Variants in TMEM26 observed in about 807,000 individuals in gnomAD.
TMEM26 encodes transmembrane protein 26.
In TMEM26, 38 loss-of-function variants were observed where a neutral mutation model predicts 28.8. The ratio of observed to expected loss-of-function variants is 1.32; its 90% confidence interval spans 1.02 to 1.73. TMEM26 has a LOEUF of 1.73. Ranked by LOEUF, TMEM26 falls within the 40% of genes most tolerant of loss-of-function variation. The probability of loss-of-function intolerance (pLI) is 0.00; values close to 1 mark genes in which losing one functional copy is unlikely to be tolerated. For synonymous variants in TMEM26, 227 were observed against 182.9 expected, an observed-to-expected ratio of 1.24 and a Z score of -1.95; for missense variants, 518 against 447.1, an observed-to-expected ratio of 1.16 and a Z score of -1.43.
chr10:61,421,020 C>G (rs1303983886), intron 4 of TMEM26, among the ~76,000 whole-genome samples: 1 of 151,462 alleles, frequency 6.6e-6, no homozygotes, highest in Non-Finnish European at 1.5e-5. Flanking sequence ...ATAAAAATAA[C>G]AGCAAAAAGG....
intron 1 of TMEM26, among the ~76,000 whole-genome samples, chr10:61,440,514 C>CAAAAA (rs60111640): frequency 1.0e-5 from 1 of 99,048 alleles, no homozygotes; most frequent in Non-Finnish European, 2.0e-5. Context: ...TTCCAGTTCT[C>CAAAAA]AAAAAAAAAA....
Position 61,418,525 on chromosome 10 carries a change from C to CA in TMEM26, c.606-4991dup, listed in dbSNP as rs199711333. 5.1e-3 allele frequency among the ~76,000 whole-genome samples: 771 copies of CA among 151,244 alleles called. 7 individuals are homozygous for CA. The highest frequency in any genetic ancestry group is 0.025 in the East Asian group (131 of 5,172). On this transcript the variant is annotated intron_variant, in intron 4 of 5. Transcript: ENST00000399298. ...AGATAAATTAGGGACCTATAGTCAGCAAAAAAACAAAAAAACCCTGTCTAA... is the reference window on the plus strand; with the variant it reads ...AGATAAATTAGGGACCTATAGTCAGCAAAAAAAACAAAAAAACCCTGTCTAA...
At chr10:61,437,868 T>C (rs1840033943) in intron 1 of TMEM26, among the ~76,000 whole-genome samples, 1 of 152,230 alleles carries the variant, frequency 6.6e-6, no homozygotes. Context: ...GTCAAAATTA[T>C]GTCACTATAA....
intron 4 of TMEM26, among the ~76,000 whole-genome samples, chr10:61,423,129 G>A (rs1316080021): frequency 6.6e-6 from 1 of 152,062 alleles, no homozygotes; most frequent in Non-Finnish European, 1.5e-5. Flanking sequence ...AAAGGAAAAT[G>A]TAATCAAAAC....
At chr10:61,418,146 A>G (rs1368597317) in intron 4 of TMEM26, among the ~76,000 whole-genome samples, 6 of 151,896 alleles carry the variant, frequency 4.0e-5, no homozygotes, top group African/African-American at 1.5e-4. Context: ...AATACAGGAG[A>G]AAGATTAAAC....
At position 61,410,719 on chromosome 10, in the gene TMEM26, A is replaced by G. The variant is rs1271076751; in HGVS notation, c.710T>C (p.Val237Ala). 4 of 1,614,148 alleles carry G rather than the reference A, an allele frequency of 2.5e-6. No homozygotes were observed. The highest frequency in any genetic ancestry group is 2.5e-6 in the Non-Finnish European group (3 of 1,180,020). ...CAGGCTGGGGAATCCCCTCTCTGTC[A>G]CAGACACAGGGCACACAACGTTCTG... ...AVQNVVCPVS[V>A]TERGFPSLFF... is the part of the protein sequence containing the mutation. Residue 237 changes from valine to alanine, a missense_variant, in exon 6 of 6, where the codon GTG becomes GCG. Coordinates refer to ENST00000399298, the MANE Select transcript of TMEM26 (RefSeq NM_178505.8).
At chr10:61,450,641 A>G (rs1840261353) in intron 1 of TMEM26, among the ~76,000 whole-genome samples, 1 of 151,302 alleles carries the variant, frequency 6.6e-6, no homozygotes, top group African/African-American at 2.5e-5. Flanking sequence ...AGTCAAATCA[A>G]TCAACTTTTT....
At chr10:61,429,466 A>G (rs1276838150) in intron 3 of TMEM26, among the ~76,000 whole-genome samples, 1 of 152,078 alleles carries the variant, frequency 6.6e-6, no homozygotes, top group Non-Finnish European at 1.5e-5. Context: ...ATACTGTGTA[A>G]TGAAAAATAA....
At chr10:61,411,638 A>G (rs1839571330) in intron 5 of TMEM26, among the ~76,000 whole-genome samples, 1 of 152,198 alleles carries the variant, frequency 6.6e-6, no homozygotes, top group Non-Finnish European at 1.5e-5. Flanking sequence ...GCTTTGTTTC[A>G]CAGTTTACAA....
At position 61,453,238 on chromosome 10, in the gene TMEM26, T is replaced by G; in HGVS notation, c.-157A>C. 2.7e-6 allele frequency: 2 copies of G among 742,266 alleles called. No homozygotes were observed. Among genetic ancestry groups the G allele is most frequent in the East Asian group, 2.7e-5 (1 of 36,692 alleles). 46.0% of individuals were successfully genotyped at this position (742,266 alleles called of 1,614,324 possible). Reference sequence around the variant, plus strand: ...CCTCAGCGCCCGATGCCGGTAGAACTGGTGCGCGGCTCGCCCCTCCCCCAA... The same window carrying G: ...CCTCAGCGCCCGATGCCGGTAGAACGGGTGCGCGGCTCGCCCCTCCCCCAA... On this transcript the variant is annotated 5_prime_UTR_variant, in exon 1 of 6. Coordinates refer to ENST00000399298, the MANE Select transcript of TMEM26 (RefSeq NM_178505.8).
At chr10:61,419,387 G>A (rs947094431) in intron 4 of TMEM26, among the ~76,000 whole-genome samples, 4 of 152,022 alleles carry the variant, frequency 2.6e-5, no homozygotes, top group African/African-American at 9.7e-5. Flanking sequence ...ATTATAAATA[G>A]GTTCAAAGAA....
intron 4 of TMEM26, among the ~76,000 whole-genome samples, chr10:61,419,512 A>T (rs1437440131): frequency 6.6e-6 from 1 of 150,564 alleles, no homozygotes; most frequent in Non-Finnish European, 1.5e-5. Flanking sequence ...TCTAGAATTG[A>T]AAATATGCAA....
At chr10:61,412,676 C>T (rs1839586341) in intron 5 of TMEM26, among the ~76,000 whole-genome samples, 1 of 152,096 alleles carries the variant, frequency 6.6e-6, no homozygotes, top group South Asian at 2.1e-4. Context: ...TAAAAGTGTT[C>T]CATATTACTG....
chr10:61,414,214 T>A, intron 4 of TMEM26: 1 of 279,266 alleles, frequency 3.6e-6, no homozygotes, highest in Non-Finnish European at 5.4e-6. Context: ...ACAAATGTCC[T>A]AGACCTAGGA....
chr10:61,417,776 G>A (rs1297000919), intron 4 of TMEM26, among the ~76,000 whole-genome samples: 1 of 151,950 alleles, frequency 6.6e-6, no homozygotes, highest in East Asian at 1.9e-4. Context: ...AGGTGTGAAT[G>A]GCCAGGGAAC....
chr10:61,426,668 G>C (rs1839838447), intron 4 of TMEM26, among the ~76,000 whole-genome samples: 2 of 152,046 alleles, frequency 1.3e-5, no homozygotes, highest in African/African-American at 4.8e-5. Flanking sequence ...ATTAGAAAAA[G>C]TAAAATGTCA....
intron 4 of TMEM26, among the ~76,000 whole-genome samples, chr10:61,416,577 ATTAGTTATT>A (rs1268808528): frequency 6.6e-6 from 1 of 152,020 alleles, no homozygotes; most frequent in Non-Finnish European, 1.5e-5. Context: ...ATCACTACAA[ATTAGTTATT>A]TTTGGTTTCA....
chr10:61,425,315 T>C lies in TMEM26; in HGVS notation c.605+3611A>G, dbSNP rs540432251. Among the ~76,000 whole-genome samples, 107 of 152,180 alleles carry C rather than the reference T, an allele frequency of 7.0e-4. 1 individual carries two copies. Among genetic ancestry groups the C allele is most frequent in the Non-Finnish European group, 8.1e-4 (55 of 68,002 alleles). On this transcript the variant is annotated intron_variant, in intron 4 of 5. Transcript: ENST00000399298. ...GAATTGTGGGAGTTACAATTCAAGA[T>C]GAGATTTGGGCAGGGACACAGCCAA...
chr10:61,421,661 A>G (rs1379697815), intron 4 of TMEM26, among the ~76,000 whole-genome samples: 1 of 152,132 alleles, frequency 6.6e-6, no homozygotes, highest in African/African-American at 2.4e-5. Flanking sequence ...GGACACCAAG[A>G]GTTGCTAGCC....
Sources: gnomAD v4.1 joint callset for allele counts (sites outside exome capture counted in the v4.1 genomes callset) on GRCh38, gnomAD v4.1.1 for gene constraint, MANE v1.5 for transcripts, NCBI Gene and HGNC (gene_info 2026-07-23, HGNC 2026-07-21) for gene names.